The following OTOGL variants were observed in gnomAD, a reference collection of about 807,000 sequenced individuals.
OTOGL encodes the protein otogelin-like protein.
Under a neutral mutation model 318.5 loss-of-function variants are expected in OTOGL, and 285 were observed. The ratio of observed to expected loss-of-function variants is 0.89; its 90% confidence interval spans 0.81 to 0.99. The LOEUF is 0.99. Among genes scored for constraint, OTOGL ranks in the 50% least tolerant of loss-of-function variants. The pLI, the probability that OTOGL is intolerant of heterozygous loss-of-function variation, is 0.00. For synonymous variants in OTOGL, 987 were observed against 936.5 expected, an observed-to-expected ratio of 1.05 and a Z score of -0.99; for missense variants, 2,899 against 2,845.6, an observed-to-expected ratio of 1.02 and a Z score of -0.43.
intron 1 of OTOGL, among the ~76,000 whole-genome samples, chr12:80,125,521 A>C (rs892132623): frequency 2.6e-5 from 4 of 152,142 alleles, no homozygotes; most frequent in Non-Finnish European, 2.9e-5. Flanking sequence ...TGTCTCTGCC[A>C]GGCTTTGGTA....
chr12:80,255,095 T>C lies in OTOGL; in HGVS notation c.1497T>C (p.Tyr499=), dbSNP rs757607383. Residue 499 remains tyrosine, a synonymous_variant, in exon 16 of 59, where the codon TAT becomes TAC. Transcript: ENST00000547103. ...TTACAACTTTTGATGGTCGACATTATTCTTTTATTGGCATGTGCCAATACA... is the reference window on the plus strand; with the variant it reads ...TTACAACTTTTGATGGTCGACATTACTCTTTTATTGGCATGTGCCAATACA... ...SHFTTFDGRH[Y]SFIGMCQYIL... The C allele has an allele frequency of 3.2e-5, 49 of 1,528,526 alleles. 1 individual carries two copies. The South Asian group carries it at 6.2e-4, about 19-fold the overall frequency. 94.7% of individuals were successfully genotyped at this position (1,528,526 alleles called of 1,614,324 possible).
At chr12:80,186,540 T>G (rs1213585722) in intron 1 of OTOGL, among the ~76,000 whole-genome samples, 1 of 152,206 alleles carries the variant, frequency 6.6e-6, no homozygotes, top group Non-Finnish European at 1.5e-5. Flanking sequence ...GTTGAAAAAC[T>G]TTGAGAGGCT....
chr12:80,108,834 T>TG lies in OTOGL; in HGVS notation c.-20+9229_-20+9230insG, dbSNP rs1491573282. ...ATATGTGTATATATATGTATATATA[T>TG]TGTATATATATGTGTATATATATGT... On this transcript the variant is annotated intron_variant, in intron 1 of 58. Transcript: ENST00000547103. Among the ~76,000 whole-genome samples, 381 of 105,768 alleles carry TG rather than the reference T, an allele frequency of 3.6e-3. 5 individuals are homozygous for TG. The Middle Eastern group carries it at 0.04, about 11-fold the overall frequency. The allele number at this position is 105,768 out of a possible 152,430, so 69.4% of individuals were successfully genotyped here. A position where few individuals can be genotyped will look rare whatever the true frequency, so the allele number is the denominator to read the frequency against.
chr12:80,312,572 G>C lies in OTOGL; in HGVS notation c.3451-904G>C, dbSNP rs144220905. Among the ~76,000 whole-genome samples, 1,030 of 152,166 alleles carry C rather than the reference G, an allele frequency of 6.8e-3. 15 individuals carry two copies. Among genetic ancestry groups the C allele is most frequent in the African/African-American group, 0.024 (991 of 41,504 alleles). On this transcript the variant is annotated intron_variant, in intron 30 of 58. Transcript: ENST00000547103. ...GGGATTCTGAGACAGAAAAGTTTGA[G>C]GACTGCCATATTAGAGCCACATAGG...
chr12:80,181,177 C>T (rs1489492986), intron 1 of OTOGL, among the ~76,000 whole-genome samples: 1 of 152,016 alleles, frequency 6.6e-6, no homozygotes, highest in Non-Finnish European at 1.5e-5. Flanking sequence ...GTTGTAGAAG[C>T]ATAAAAACCA....
At chr12:80,319,148 G>T (rs1316806313) in intron 33 of OTOGL, among the ~76,000 whole-genome samples, 1 of 152,120 alleles carries the variant, frequency 6.6e-6, no homozygotes, top group African/African-American at 2.4e-5. Flanking sequence ...GTGACAGTCT[G>T]TTATTCTGTT....
At chr12:80,257,115 C>G (rs965121984) in intron 17 of OTOGL, among the ~76,000 whole-genome samples, 4 of 152,104 alleles carry the variant, frequency 2.6e-5, no homozygotes, top group African/African-American at 9.7e-5. Flanking sequence ...TAATAACACT[C>G]TCACTCTCAA....
intron 1 of OTOGL, among the ~76,000 whole-genome samples, chr12:80,135,282 T>A (rs868162846): frequency 2.0e-5 from 1 of 48,892 alleles, no homozygotes; most frequent in Admixed American, 2.7e-4. Flanking sequence ...CCCCTCCCCT[T>A]CCCTTCCCTT....
At chr12:80,260,178 G>T (rs976799944) in intron 18 of OTOGL, among the ~76,000 whole-genome samples, 3 of 151,930 alleles carry the variant, frequency 2.0e-5, no homozygotes, top group Non-Finnish European at 4.4e-5. Flanking sequence ...AATGGGCAAG[G>T]GGAACTGGCA....
At chr12:80,333,156 T>C (rs1397283592) in intron 38 of OTOGL, 78 bp downstream of exon 38, 30 of 1,333,764 alleles carry the variant, frequency 2.2e-5, no homozygotes, top group Non-Finnish European at 3.1e-5. Flanking sequence ...AATATCCAAA[T>C]GCTACTAAAC....
intron 29 of OTOGL, among the ~76,000 whole-genome samples, chr12:80,306,908 C>T (rs914401484): frequency 1.3e-5 from 2 of 150,650 alleles, no homozygotes; most frequent in African/African-American, 5.0e-5. Context: ...AGCAGATAAA[C>T]AAGTGAACAA....
At chr12:80,245,062 C>A (rs561783223) in intron 11 of OTOGL, among the ~76,000 whole-genome samples, 1 of 137,232 alleles carries the variant, frequency 7.3e-6, no homozygotes, top group Non-Finnish European at 1.5e-5. Flanking sequence ...TGGATATTAG[C>A]CCTTTGTCAG....
intron 1 of OTOGL, among the ~76,000 whole-genome samples, chr12:80,127,897 C>T (rs990258821): frequency 4.6e-5 from 7 of 152,320 alleles, no homozygotes; most frequent in Admixed American, 1.3e-4. Flanking sequence ...CCATCAGGTC[C>T]TTTAAGGACT....
At position 80,232,886 on chromosome 12, in the gene OTOGL, T is replaced by A; in HGVS notation, c.612-6T>A. 1 of 1,591,180 alleles carries A rather than the reference T, an allele frequency of 6.3e-7. No homozygotes were observed. Among genetic ancestry groups the A allele is most frequent in the Non-Finnish European group, 8.5e-7 (1 of 1,172,792 alleles). On this transcript the variant is annotated splice_region_variant and splice_polypyrimidine_tract_variant and intron_variant, in intron 8 of 58. Coordinates refer to ENST00000547103, the MANE Select transcript of OTOGL (RefSeq NM_001378609.3). Reference sequence around the variant, plus strand: ...TTCTTAGATAGCTTTTGTTCTGTTTTTCAAGTTTAACATTGCCTCAGACAA... The same window carrying A: ...TTCTTAGATAGCTTTTGTTCTGTTTATCAAGTTTAACATTGCCTCAGACAA...
chr12:80,263,856 C>T (rs1487528433), intron 19 of OTOGL, among the ~76,000 whole-genome samples: 1 of 151,994 alleles, frequency 6.6e-6, no homozygotes, highest in African/African-American at 2.4e-5. Context: ...CTTTGATCTA[C>T]AAATTGTTAG....
At chr12:80,135,158 T>A (rs965070326) in intron 1 of OTOGL, among the ~76,000 whole-genome samples, 1 of 151,764 alleles carries the variant, frequency 6.6e-6, no homozygotes. Flanking sequence ...CCTCTGTCCC[T>A]GCTTTCATCT....
intron 1 of OTOGL, among the ~76,000 whole-genome samples, chr12:80,115,205 C>T (rs993244774): frequency 1.3e-5 from 2 of 151,900 alleles, no homozygotes; most frequent in African/African-American, 2.4e-5. Flanking sequence ...GCCTTTTTGC[C>T]CTGGTTTTTC....
intron 26 of OTOGL, among the ~76,000 whole-genome samples, chr12:80,279,512 T>A (rs1374708364): frequency 6.6e-6 from 1 of 151,656 alleles, no homozygotes; most frequent in Non-Finnish European, 1.5e-5. Flanking sequence ...ATATACCCAA[T>A]GTTTAGCTCC....
chr12:80,262,388 A>C (rs935494108), intron 19 of OTOGL, among the ~76,000 whole-genome samples: 2 of 151,966 alleles, frequency 1.3e-5, no homozygotes, highest in Admixed American at 1.3e-4. Context: ...GTGGACTAGC[A>C]TTTGGGAGTT....
Sources: gnomAD v4.1 joint callset for allele counts (sites outside exome capture counted in the v4.1 genomes callset) on GRCh38, gnomAD v4.1.1 for gene constraint, MANE v1.5 for transcripts, NCBI Gene and HGNC (gene_info 2026-07-23, HGNC 2026-07-21) for gene names.